Variants in DPF3 observed in about 807,000 individuals in gnomAD.
DPF3 encodes double PHD fingers 3.
In DPF3, 18 loss-of-function variants were observed where a neutral mutation model predicts 56.8. That is an observed-to-expected ratio of 0.32 (90% CI 0.22 to 0.47). The LOEUF (loss-of-function observed/expected upper bound fraction) is 0.47, where lower values mean the gene tolerates loss of function less well. DPF3 is among the 20% of genes least tolerant of loss of function. The pLI, the probability that DPF3 is intolerant of heterozygous loss-of-function variation, is 1.00. For missense variants in DPF3, 403 were observed against 488.8 expected (o/e 0.82, Z 1.65); for synonymous variants, 188 against 180.2 (o/e 1.04, Z -0.35).
chr14:72,825,177 C>T (rs910538813), intron 1 of DPF3, among the ~76,000 whole-genome samples: 2 of 152,228 alleles, frequency 1.3e-5, no homozygotes, highest in Admixed American at 6.5e-5. Flanking sequence ...CATGGGCCAC[C>T]GTGCCCAGCC....
chr14:72,697,030 G>A (rs1887931505), intron 6 of DPF3, among the ~76,000 whole-genome samples: 2 of 150,386 alleles, frequency 1.3e-5, no homozygotes, highest in Admixed American at 6.6e-5. Context: ...GGCAGGGGCA[G>A]GATAGGCAGC....
At chr14:72,677,367 T>C (rs1886956829) in intron 7 of DPF3, among the ~76,000 whole-genome samples, 1 of 152,236 alleles carries the variant, frequency 6.6e-6, no homozygotes, top group Non-Finnish European at 1.5e-5. Context: ...CTGATTTTCT[T>C]AAACATTTTG....
At chr14:72,658,817 T>G (rs1018235219) in intron 8 of DPF3, among the ~76,000 whole-genome samples, 1 of 152,150 alleles carries the variant, frequency 6.6e-6, no homozygotes, top group Non-Finnish European at 1.5e-5. Context: ...CAACCTCAAC[T>G]TCCACCTTAC....
At chr14:72,802,348 G>A (rs573248742) in intron 1 of DPF3, among the ~76,000 whole-genome samples, 1 of 152,292 alleles carries the variant, frequency 6.6e-6, no homozygotes, top group South Asian at 2.1e-4. Flanking sequence ...CCATCGCTAA[G>A]TGTTTTGGGC....
Position 72,836,282 on chromosome 14 carries a change from C to T in DPF3, c.32+57775G>A, listed in dbSNP as rs1050479290. The T allele has an allele frequency of 1.4e-5, 14 of 985,496 alleles. No homozygotes were observed. The African/African-American group carries it at 2.3e-4, about 16-fold the overall frequency. The allele number at this position is 985,496 out of a possible 1,614,324, so 61.0% of individuals were successfully genotyped here. ...GCTTCCCTCACTCTCCCATTTTGCT[C>T]CCTCTCTCCTGCCAAACTCCCAGGG... is the stretch of plus-strand genomic sequence containing the variant. On this transcript the variant is annotated intron_variant, in intron 1 of 10. Transcript: ENST00000556509.
At chr14:72,871,969 C>G (rs1345809912) in intron 1 of DPF3, among the ~76,000 whole-genome samples, 1 of 152,258 alleles carries the variant, frequency 6.6e-6, no homozygotes, top group Non-Finnish European at 1.5e-5. Context: ...CTGCAGCAAA[C>G]TTTTGCCAGG....
chr14:72,691,079 A>C (rs1171690125), intron 7 of DPF3, among the ~76,000 whole-genome samples: 1 of 152,188 alleles, frequency 6.6e-6, no homozygotes, highest in Admixed American at 6.5e-5. Context: ...CCCAGAGAGA[A>C]GACCTCAGTG....
chr14:72,879,738 G>T (rs796077129), intron 1 of DPF3: 4 of 1,474,648 alleles, frequency 2.7e-6, no homozygotes, highest in Non-Finnish European at 3.6e-6. Flanking sequence ...GTCTCTCTGG[G>T]CAGGGACACA....
chr14:72,674,768 G>A (rs1886839208), intron 7 of DPF3, among the ~76,000 whole-genome samples: 1 of 152,242 alleles, frequency 6.6e-6, no homozygotes, highest in East Asian at 1.9e-4. Flanking sequence ...ACAGGGAGAG[G>A]AAAGAGCCAG....
chr14:72,672,930 A>T (rs1200572566), intron 8 of DPF3, among the ~76,000 whole-genome samples: 2 of 152,066 alleles, frequency 1.3e-5, no homozygotes, highest in South Asian at 2.1e-4. Context: ...TAAGTATCTT[A>T]AAAAAACAGA....
At chr14:72,887,260 C>T (rs981476034) in intron 1 of DPF3, among the ~76,000 whole-genome samples, 3 of 151,706 alleles carry the variant, frequency 2.0e-5, no homozygotes, top group Admixed American at 1.3e-4. Flanking sequence ...AAACTGAGTG[C>T]TTATCCACGT....
In DPF3 at chr14:72,809,658, G is replaced by C. The variant is rs552676999; in HGVS notation, c.33-37765C>G. On this transcript the variant is annotated intron_variant, in intron 1 of 10. Coordinates refer to ENST00000556509, the MANE Select transcript of DPF3 (RefSeq NM_001280542.3). ...AGGGAAGGTGGCACTGGGCTCCACAGGCAGTGATTCTCAGCCCTGCTTGTC... is the reference window on the plus strand; with the variant it reads ...AGGGAAGGTGGCACTGGGCTCCACACGCAGTGATTCTCAGCCCTGCTTGTC... Among the ~76,000 whole-genome samples, 13 of 152,288 alleles carry C rather than the reference G, an allele frequency of 8.5e-5. 1 individual carries two copies. In the South Asian group the frequency reaches 2.7e-3, roughly 32 times the overall value.
chr14:72,697,670 GA>G (rs1281030101), intron 6 of DPF3, among the ~76,000 whole-genome samples: 1 of 152,204 alleles, frequency 6.6e-6, no homozygotes. Flanking sequence ...TGACATGTTA[GA>G]AATACTGCTT....
intron 8 of DPF3, among the ~76,000 whole-genome samples, chr14:72,644,102 T>C (rs1885642235): frequency 6.6e-6 from 1 of 152,158 alleles, no homozygotes; most frequent in African/African-American, 2.4e-5. Flanking sequence ...CACCCAGGTG[T>C]CTTGAGCCCT....
intron 1 of DPF3, among the ~76,000 whole-genome samples, chr14:72,888,090 T>A (rs1472997946): frequency 2.0e-5 from 3 of 152,184 alleles, no homozygotes. Context: ...GGCTCAGAAC[T>A]GAGGCCTGGC....
chr14:72,644,696 C>T (rs1885664001), intron 8 of DPF3, among the ~76,000 whole-genome samples: 1 of 152,170 alleles, frequency 6.6e-6, no homozygotes, highest in Non-Finnish European at 1.5e-5. Flanking sequence ...TAAGGGTAGA[C>T]AAGAGCCTCA....
chr14:72,747,625 C>CA (rs1030427221), intron 3 of DPF3, among the ~76,000 whole-genome samples: 9,907 of 77,506 alleles, frequency 0.13, 548 homozygotes, highest in Admixed American at 0.27. Flanking sequence ...CCCGTCTCTA[C>CA]AAAAAAAAAA....
chr14:72,783,116 G>C (rs886857893), intron 1 of DPF3, among the ~76,000 whole-genome samples: 3 of 152,106 alleles, frequency 2.0e-5, no homozygotes, highest in Non-Finnish European at 4.4e-5. Context: ...GCTTCTCCCA[G>C]ATCTTCTTGT....
In DPF3 at chr14:72,613,007, T is replaced by C. The variant is rs1883843385; in HGVS notation, c.*6290A>G. ...ATTAAGTAGGGCGTGTGTGTGTGTG[T>C]GTGTGTGTGTGTGTGTGTGTGTGTA... On this transcript the variant is annotated 3_prime_UTR_variant, in exon 11 of 11. Transcript: ENST00000556509. Among the ~76,000 whole-genome samples the C allele has an allele frequency of 6.6e-6, 1 of 151,722 alleles. No homozygotes were observed. The highest frequency in any genetic ancestry group is 1.9e-4 in the East Asian group (1 of 5,174).
Sources: gnomAD v4.1 joint callset for allele counts (sites outside exome capture counted in the v4.1 genomes callset) on GRCh38, gnomAD v4.1.1 for gene constraint, MANE v1.5 for transcripts, NCBI Gene and HGNC (gene_info 2026-07-23, HGNC 2026-07-21) for gene names.